TNRC6C: variants seen among roughly 807,000 people sequenced by gnomAD.
TNRC6C encodes trinucleotide repeat-containing gene 6C protein.
Under a neutral mutation model 153.7 loss-of-function variants are expected in TNRC6C, and 20 were observed. The observed-to-expected ratio is 0.13, with a 90% CI of 0.09 to 0.19. The LOEUF (loss-of-function observed/expected upper bound fraction) is 0.19, where lower values mean the gene tolerates loss of function less well. Among genes scored for constraint, TNRC6C ranks in the 10% least tolerant of loss-of-function variants. TNRC6C has a pLI of 1.00. For synonymous variants in TNRC6C, 811 were observed against 841.4 expected, an observed-to-expected ratio of 0.96 and a Z score of 0.63; for missense variants, 1,987 against 2,172.0, an observed-to-expected ratio of 0.91 and a Z score of 1.69.
intron 1 of TNRC6C, among the ~76,000 whole-genome samples, chr17:77,968,713 A>C (rs1478256950): frequency 6.6e-6 from 1 of 152,210 alleles, no homozygotes; most frequent in Non-Finnish European, 1.5e-5. Context: ...TTGATTGGGT[A>C]GATCTTAAGT....
At chr17:77,983,773 C>T (rs1217450060) in intron 1 of TNRC6C, among the ~76,000 whole-genome samples, 4 of 152,086 alleles carry the variant, frequency 2.6e-5, no homozygotes, top group African/African-American at 9.7e-5. Flanking sequence ...GCTTTTTCCC[C>T]CCTTATTTTA....
At chr17:78,023,374 C>G (rs1269190028) in intron 1 of TNRC6C, among the ~76,000 whole-genome samples, 1 of 152,168 alleles carries the variant, frequency 6.6e-6, no homozygotes, top group Non-Finnish European at 1.5e-5. Context: ...ATTTCTGTAG[C>G]TTGCTAATAG....
intron 1 of TNRC6C, among the ~76,000 whole-genome samples, chr17:77,990,492 G>A (rs899534047): frequency 1.3e-5 from 2 of 152,134 alleles, no homozygotes; most frequent in African/African-American, 4.8e-5. Context: ...CAAACATCCT[G>A]TGTGCCTTCC....
At chr17:77,978,177 G>C (rs528175350) in intron 1 of TNRC6C, among the ~76,000 whole-genome samples, 1 of 152,068 alleles carries the variant, frequency 6.6e-6, no homozygotes, top group Non-Finnish European at 1.5e-5. Context: ...GATTACAGGC[G>C]TGAGCCACCG....
chr17:78,044,096 T>C (rs2072356451), intron 2 of TNRC6C, among the ~76,000 whole-genome samples: 1 of 152,222 alleles, frequency 6.6e-6, no homozygotes, highest in Non-Finnish European at 1.5e-5. Flanking sequence ...TATAACTTAT[T>C]ATCAAACCCT....
intron 1 of TNRC6C, among the ~76,000 whole-genome samples, chr17:77,986,169 C>T (rs1205155921): frequency 6.6e-6 from 1 of 152,108 alleles, no homozygotes; most frequent in Non-Finnish European, 1.5e-5. Context: ...GTAATCCCAG[C>T]ACTTGGAAGG....
intron 1 of TNRC6C, among the ~76,000 whole-genome samples, chr17:77,993,358 T>G (rs958835898): frequency 6.6e-6 from 1 of 152,246 alleles, no homozygotes; most frequent in Non-Finnish European, 1.5e-5. Context: ...TATTTGCTTC[T>G]TGAGATTGGT....
intron 1 of TNRC6C, among the ~76,000 whole-genome samples, chr17:77,976,931 G>GGAA (rs1167519132): frequency 8.6e-5 from 4 of 46,584 alleles, no homozygotes; most frequent in East Asian, 7.4e-4. Flanking sequence ...CTCCATCTCA[G>GGAA]AAAAAAAAAA....
At chr17:78,039,529 G>A (rs1189412572) in intron 2 of TNRC6C, among the ~76,000 whole-genome samples, 1 of 152,190 alleles carries the variant, frequency 6.6e-6, no homozygotes, top group Non-Finnish European at 1.5e-5. Context: ...ATTCGATAAT[G>A]CTGATGTTGA....
Position 78,013,686 on chromosome 17 carries a change from C to T in TNRC6C, c.-546+8607C>T, listed in dbSNP as rs548205301. 2.0e-5 allele frequency among the ~76,000 whole-genome samples: 3 copies of T among 152,250 alleles called. No homozygotes were observed. In the East Asian group the frequency reaches 5.8e-4, roughly 29 times the overall value. On this transcript the variant is annotated intron_variant, in intron 1 of 19. Transcript: ENST00000301624. ...GACAGCATCAACAAAGGAGCCCAAA[C>T]TTGGCAGGAGTTGTGGAAGGTATCA...
At chr17:78,073,663 T>C (rs927233739) in intron 7 of TNRC6C, among the ~76,000 whole-genome samples, 2 of 152,208 alleles carry the variant, frequency 1.3e-5, no homozygotes, top group African/African-American at 4.8e-5. Context: ...GAACCAGTGC[T>C]CCTAGGAGAC....
At chr17:77,982,675 TAAA>T (rs2071097212) in intron 1 of TNRC6C, among the ~76,000 whole-genome samples, 1 of 151,666 alleles carries the variant, frequency 6.6e-6, no homozygotes, top group African/African-American at 2.4e-5. Context: ...CTACTAAAAA[TAAA>T]AAATCAGCTG....
intron 6 of TNRC6C, among the ~76,000 whole-genome samples, chr17:78,071,964 G>A (rs2073005768): frequency 6.6e-6 from 1 of 152,200 alleles, no homozygotes; most frequent in African/African-American, 2.4e-5. Context: ...AGATTGGATG[G>A]CAGTTCAGAT....
chr17:77,957,679 G>C (rs1415381776), upstream of TNRC6C, among the ~76,000 whole-genome samples: 2 of 152,192 alleles, frequency 1.3e-5, no homozygotes, highest in Non-Finnish European at 2.9e-5. Context: ...CTGCTTCTGC[G>C]ACCTTGCATG....
chr17:78,064,845 G>A, exon 4 of TNRC6C: 4 of 1,613,476 alleles, frequency 2.5e-6, no homozygotes, highest in African/African-American at 2.7e-5. Context: ...CCACCCAGCA[G>A]TGGCAGCGGG....
intron 3 of TNRC6C, among the ~76,000 whole-genome samples, chr17:78,052,939 A>G (rs2072567486): frequency 6.6e-6 from 1 of 152,040 alleles, no homozygotes; most frequent in African/African-American, 2.4e-5. Context: ...GTGAATTGGC[A>G]TTTTTTTAAT....
At chr17:78,080,371 G>T (rs536852224) in intron 10 of TNRC6C, among the ~76,000 whole-genome samples, 92 of 152,272 alleles carry the variant, frequency 6.0e-4, no homozygotes, top group African/African-American at 2.1e-3. Context: ...GCTTGACCCG[G>T]GGAGGTGGAG....
At chr17:78,064,304 C>T (rs190906501) in intron 3 of TNRC6C, among the ~76,000 whole-genome samples, 1 of 152,236 alleles carries the variant, frequency 6.6e-6, no homozygotes, top group East Asian at 1.9e-4. Context: ...ACCATGTTGG[C>T]CAGACTGGTC....
In TNRC6C at chr17:78,104,791, C is replaced by T. The variant is rs1276724890; in HGVS notation, c.5019C>T (p.Pro1673=). 2.1e-6 allele frequency: 3 copies of T among 1,453,504 alleles called. No homozygotes were observed. The highest frequency in any genetic ancestry group is 5.0e-5 in the Admixed American group (2 of 40,038). 90.0% of individuals were successfully genotyped at this position (1,453,504 alleles called of 1,614,324 possible). A position where few individuals can be genotyped will look rare whatever the true frequency, so the allele number is the denominator to read the frequency against. The change falls in exon 20 of 20, where the codon CCC becomes CCT. Residue 1673 remains proline, a synonymous_variant. Transcript: ENST00000301624. This position sits in a 1 kb window ranked among gnomAD's most constrained non-coding sequence, Gnocchi z 6.2. ...ACGACAGCAGGGTGATAGGCAGCCC[C>T]ACGCCGCTAACCACCCTGCTGCCTG...
Sources: allele counts gnomAD v4.1 joint callset (sites outside exome capture counted in the v4.1 genomes callset), GRCh38; gene constraint gnomAD v4.1.1; non-coding constraint Gnocchi (gnomAD v3.1); transcripts MANE v1.5; gene names NCBI Gene and HGNC (gene_info 2026-07-23, HGNC 2026-07-21).